The following LRRC1 variants were observed in gnomAD, a reference collection of about 807,000 sequenced individuals.
LRRC1 encodes leucine rich repeat containing 1.
Under a neutral mutation model 69.9 loss-of-function variants are expected in LRRC1, and 28 were observed. The observed-to-expected ratio is 0.40, with a 90% CI of 0.30 to 0.55. The LOEUF is 0.55. Among genes scored for constraint, LRRC1 ranks in the 20% least tolerant of loss-of-function variants. The pLI, the probability that LRRC1 is intolerant of heterozygous loss-of-function variation, is 0.47. For missense variants in LRRC1, 498 were observed against 609.0 expected (o/e 0.82, Z 1.92); for synonymous variants, 236 against 240.2 (o/e 0.98, Z 0.16).
At chr6:53,817,392 A>C (rs1764981675) in intron 1 of LRRC1, among the ~76,000 whole-genome samples, 1 of 152,194 alleles carries the variant, frequency 6.6e-6, no homozygotes, top group Admixed American at 6.6e-5. Flanking sequence ...GAAATGATTA[A>C]ATCAAGCTAA....
At chr6:53,911,455 T>G (rs1768405746) in intron 10 of LRRC1, among the ~76,000 whole-genome samples, 1 of 152,226 alleles carries the variant, frequency 6.6e-6, no homozygotes, top group Non-Finnish European at 1.5e-5. Context: ...CAAGACAAGA[T>G]GCCCAGAATT....
intron 2 of LRRC1, among the ~76,000 whole-genome samples, chr6:53,846,214 T>G (rs542078811): frequency 1.3e-5 from 2 of 152,292 alleles, no homozygotes; most frequent in East Asian, 3.9e-4. Context: ...TTTTCTGACA[T>G]TTTAGGCGCA....
intron 1 of LRRC1, among the ~76,000 whole-genome samples, chr6:53,811,663 C>T (rs1764797238): frequency 6.6e-6 from 1 of 152,224 alleles, no homozygotes; most frequent in African/African-American, 2.4e-5. Flanking sequence ...AGATTTTGTC[C>T]TGCCCTCACA....
At chr6:53,911,558 G>A (rs553413996) in intron 10 of LRRC1, among the ~76,000 whole-genome samples, 1 of 152,140 alleles carries the variant, frequency 6.6e-6, no homozygotes, top group African/African-American at 2.4e-5. Flanking sequence ...CCCCCCTTGG[G>A]TCACACATAA....
chr6:53,880,288 A>G (rs761258729), intron 3 of LRRC1, among the ~76,000 whole-genome samples: 20 of 152,182 alleles, frequency 1.3e-4, no homozygotes, highest in Non-Finnish European at 2.2e-4. Flanking sequence ...GTAATCTAGT[A>G]AGCTATACCC....
chr6:53,859,606 T>C (rs1348745628), intron 2 of LRRC1, among the ~76,000 whole-genome samples: 1 of 152,158 alleles, frequency 6.6e-6, no homozygotes. Flanking sequence ...CAGAAAATTA[T>C]TTTTGCCCAG....
At chr6:53,868,223 CTTTT>C (rs141016862) in intron 2 of LRRC1, among the ~76,000 whole-genome samples, 4 of 137,840 alleles carry the variant, frequency 2.9e-5, no homozygotes, top group Non-Finnish European at 3.1e-5. Flanking sequence ...TAATGCTACT[CTTTT>C]TTTTTTTTTT....
At chr6:53,802,578 A>G (rs1179103163) in intron 1 of LRRC1, among the ~76,000 whole-genome samples, 1 of 152,192 alleles carries the variant, frequency 6.6e-6, no homozygotes, top group Non-Finnish European at 1.5e-5. Flanking sequence ...CTTGGAAGAA[A>G]GATGGACAGC....
At chr6:53,878,542 C>G (rs1176716628) in intron 2 of LRRC1, among the ~76,000 whole-genome samples, 1 of 152,184 alleles carries the variant, frequency 6.6e-6, no homozygotes, top group Non-Finnish European at 1.5e-5. Flanking sequence ...AGGGCTCATG[C>G]TCTTATGAGA....
At chr6:53,913,815 GA>G in intron 10 of LRRC1, 38 bp from the exon 11 acceptor site, 1 of 1,444,904 alleles carries the variant, frequency 6.9e-7, no homozygotes, top group Non-Finnish European at 9.7e-7. Flanking sequence ...ATCTCCCCTA[GA>G]AAACTGGAAA....
rs1368322468 is a variant in LRRC1 at position 53,923,078 on chromosome 6, T to A, written c.*285T>A. 3.9e-6 allele frequency: 1 copy of A among 256,396 alleles called. No homozygotes were observed. Among genetic ancestry groups the A allele is most frequent in the Non-Finnish European group, 7.3e-6 (1 of 136,082 alleles). 15.9% of individuals were successfully genotyped at this position (256,396 alleles called of 1,614,324 possible). On this transcript the variant is annotated 3_prime_UTR_variant, in exon 14 of 14. Coordinates refer to ENST00000370888, the MANE Select transcript of LRRC1 (RefSeq NM_018214.5). ...TACGACCTTTGTTTTTGTCTTATGT[T>A]GGGGTAAAGGAAAGCAGGAAGGGGA... is the stretch of plus-strand genomic sequence containing the variant.
At chr6:53,802,459 C>T (rs902883597) in intron 1 of LRRC1, among the ~76,000 whole-genome samples, 4 of 152,056 alleles carry the variant, frequency 2.6e-5, no homozygotes, top group Admixed American at 1.3e-4. Context: ...ATTTGTGGGA[C>T]GCCAAATACA....
chr6:53,803,292 T>A (rs564403096), intron 1 of LRRC1, among the ~76,000 whole-genome samples: 1 of 152,274 alleles, frequency 6.6e-6, no homozygotes, highest in East Asian at 1.9e-4. Flanking sequence ...GTCGTGTTCT[T>A]TTTGGGTGAG....
At chr6:53,803,626 C>G (rs560122852) in intron 1 of LRRC1, among the ~76,000 whole-genome samples, 1 of 151,792 alleles carries the variant, frequency 6.6e-6, no homozygotes, top group East Asian at 1.9e-4. Flanking sequence ...ACGTTGGACT[C>G]CTAAAATAAG....
At chr6:53,837,835 T>C (rs1765655661) in intron 1 of LRRC1, among the ~76,000 whole-genome samples, 1 of 152,218 alleles carries the variant, frequency 6.6e-6, no homozygotes, top group Admixed American at 6.5e-5. Context: ...AATTAAAGGC[T>C]GTATCTACTA....
chr6:53,855,226 T>C (rs1301396227), intron 2 of LRRC1, among the ~76,000 whole-genome samples: 1 of 152,236 alleles, frequency 6.6e-6, no homozygotes, highest in Non-Finnish European at 1.5e-5. Flanking sequence ...ACACTCTGCT[T>C]ATAGAGGTGC....
intron 2 of LRRC1, among the ~76,000 whole-genome samples, chr6:53,845,760 C>G (rs1266919850): frequency 6.6e-6 from 1 of 152,304 alleles, no homozygotes; most frequent in East Asian, 1.9e-4. Context: ...TGCAGTAGAT[C>G]CAGAGTGGAT....
intron 3 of LRRC1, 62 bp from the exon 4 acceptor site, chr6:53,882,825 T>G (rs1422608595): frequency 2.2e-6 from 2 of 925,024 alleles, no homozygotes; most frequent in Non-Finnish European, 1.7e-6. Flanking sequence ...TATTTATGCT[T>G]GGTATACACT....
chr6:53,922,182 C>G (rs750944833), intron 13 of LRRC1, among the ~76,000 whole-genome samples: 3 of 152,114 alleles, frequency 2.0e-5, no homozygotes, highest in Non-Finnish European at 4.4e-5. Flanking sequence ...TTCTCCCATG[C>G]CTCCCATGCC....
Sources: allele counts gnomAD v4.1 joint callset (sites outside exome capture counted in the v4.1 genomes callset), GRCh38; gene constraint gnomAD v4.1.1; transcripts MANE v1.5; gene names NCBI Gene and HGNC (gene_info 2026-07-23, HGNC 2026-07-21).